The following PPP4R1 variants were observed in gnomAD, a reference collection of about 807,000 sequenced individuals.
PPP4R1 encodes the protein protein phosphatase 4 regulatory subunit 1.
A neutral mutation model predicts 111.2 loss-of-function variants in PPP4R1; 42 were observed. That is an observed-to-expected ratio of 0.38 (90% CI 0.29 to 0.49). The LOEUF (loss-of-function observed/expected upper bound fraction) is 0.49, where lower values mean the gene tolerates loss of function less well. Ranked by LOEUF, PPP4R1 falls within the 20% of genes least tolerant of loss-of-function variation. The pLI, the probability that PPP4R1 is intolerant of heterozygous loss-of-function variation, is 0.97. For missense variants in PPP4R1, 1,012 were observed against 1,161.6 expected, an observed-to-expected ratio of 0.87 and a Z score of 1.87; for synonymous variants, 409 against 405.5, an observed-to-expected ratio of 1.01 and a Z score of -0.10.
In PPP4R1 at chr18:9,608,589, C is replaced by T. The variant is rs181695267; in HGVS notation, c.52+5637G>A. The stretch of plus-strand genomic sequence containing the variant: ...TGCTAAAAGCAGAGCAAGTTCCAGA[C>T]CCTCTTATAGAAATTAGAGGGAATA... On this transcript the variant is annotated intron_variant, in intron 2 of 19. Transcript: ENST00000400556. Among the ~76,000 whole-genome samples the T allele has an allele frequency of 5.9e-5, 9 of 152,286 alleles. No individual in the cohort carries two copies. In the South Asian group the frequency reaches 1.7e-3, roughly 28 times the overall value.
chr18:9,595,250 C>CA lies in PPP4R1; in HGVS notation c.53-98dup, dbSNP rs60279081. The CA allele has an allele frequency of 8.5e-3, 9,156 of 1,077,156 alleles. 24 individuals carry two copies. Among genetic ancestry groups the CA allele is most frequent in the African/African-American group, 0.033 (1,969 of 60,526 alleles). 66.7% of individuals were successfully genotyped at this position (1,077,156 alleles called of 1,614,324 possible). A position where few individuals can be genotyped will look rare whatever the true frequency, so the allele number is the denominator to read the frequency against. On this transcript the variant is annotated intron_variant, in intron 2 of 19. Coordinates refer to ENST00000400556, the MANE Select transcript of PPP4R1 (RefSeq NM_001042388.3). Reference sequence around the variant, plus strand: ...GTACAAATCTGTTTCTGGAATGGTACAAAAAAAAAATCACAAGAGACTCTC... The same window carrying CA: ...GTACAAATCTGTTTCTGGAATGGTACAAAAAAAAAAATCACAAGAGACTCTC...
At chr18:9,550,722 T>C (rs1438498245) in intron 16 of PPP4R1, 1 of 231,464 alleles carries the variant, frequency 4.3e-6, no homozygotes, top group African/African-American at 2.3e-5. Flanking sequence ...ATGGTCACAG[T>C]TTGGAATGTG....
At chr18:9,563,157 A>G (rs1285675913) in intron 12 of PPP4R1, 2 of 1,239,416 alleles carry the variant, frequency 1.6e-6, no homozygotes, top group Admixed American at 3.8e-5. Context: ...AAATGGTCAT[A>G]TAGACAGAAG....
chr18:9,588,501 T>C (rs1270880061), intron 5 of PPP4R1, among the ~76,000 whole-genome samples: 1 of 152,206 alleles, frequency 6.6e-6, no homozygotes, highest in Admixed American at 6.5e-5. Context: ...GCTAGGAGGT[T>C]ACCAAGTGAG....
intron 2 of PPP4R1, among the ~76,000 whole-genome samples, chr18:9,597,522 T>C (rs2067309326): frequency 6.6e-6 from 1 of 152,176 alleles, no homozygotes; most frequent in South Asian, 2.1e-4. Flanking sequence ...GAAAAATAAT[T>C]ACCTGAAACG....
upstream of PPP4R1, among the ~76,000 whole-genome samples, chr18:9,615,793 C>A (rs560570204): frequency 4.9e-4 from 74 of 152,224 alleles, no homozygotes; most frequent in African/African-American, 1.7e-3. Flanking sequence ...TAGTCTTGAC[C>A]AAGGACAATG....
intron 8 of PPP4R1, 148 bp from the exon 9 acceptor site, chr18:9,583,423 G>A (rs1255570935): frequency 3.7e-6 from 3 of 811,058 alleles, no homozygotes; most frequent in African/African-American, 3.6e-5. Context: ...CTGGAGTGAG[G>A]TGGTGCGATC....
At position 9,570,176 on chromosome 18, in the gene PPP4R1, A is replaced by G; in HGVS notation, c.1554T>C (p.Ile518=). The G allele has an allele frequency of 6.6e-7, 1 of 1,522,550 alleles. No individual in the cohort carries two copies. The allele number at this position is 1,522,550 out of a possible 1,614,324, so 94.3% of individuals were successfully genotyped here. A position where few individuals can be genotyped will look rare whatever the true frequency, so the allele number is the denominator to read the frequency against. The change falls in exon 11 of 20, where the codon ATT becomes ATC. Residue 518 remains isoleucine (I), a synonymous_variant. Coordinates refer to ENST00000400556, the MANE Select transcript of PPP4R1 (RefSeq NM_001042388.3). Reference sequence around the variant, plus strand: ...CCATACCTTTAACATCTGGATCATCAATGTGGGGCTCTAGATTTTCTATCA... The same window carrying G: ...CCATACCTTTAACATCTGGATCATCGATGTGGGGCTCTAGATTTTCTATCA... The part of the protein sequence containing the change: ...EEMIENLEPH[I]DDPDVKAQVE...
At chr18:9,597,185 A>G (rs915653274) in intron 2 of PPP4R1, among the ~76,000 whole-genome samples, 3 of 152,204 alleles carry the variant, frequency 2.0e-5, no homozygotes, top group African/African-American at 7.2e-5. Flanking sequence ...ATGGTTTCAG[A>G]CACTGGACAA....
chr18:9,592,099 A>G (rs543572209), intron 4 of PPP4R1, among the ~76,000 whole-genome samples: 3 of 152,326 alleles, frequency 2.0e-5, no homozygotes, highest in Admixed American at 2.0e-4. Flanking sequence ...TAATTGGTAT[A>G]GTCTTCCAAT....
chr18:9,549,977 G>C, intron 18 of PPP4R1, 75 bp downstream of exon 18: 3 of 1,588,430 alleles, frequency 1.9e-6, no homozygotes, highest in Non-Finnish European at 2.6e-6. Context: ...GAGGGTGAGA[G>C]AGAGGTAGGA....
intron 18 of PPP4R1, 197 bp downstream of exon 18, chr18:9,549,855 G>T: frequency 1.4e-6 from 1 of 727,238 alleles, no homozygotes; most frequent in Non-Finnish European, 2.2e-6. Context: ...GCCAGTGTAA[G>T]GAGGGGCTTG....
At chr18:9,557,742 G>A (rs2066610686) in intron 14 of PPP4R1, among the ~76,000 whole-genome samples, 2 of 151,968 alleles carry the variant, frequency 1.3e-5, no homozygotes, top group South Asian at 4.2e-4. Context: ...CTAAGCACAT[G>A]CTAGAACATG....
chr18:9,564,341 TAAACA>T (rs1478021458), intron 11 of PPP4R1, among the ~76,000 whole-genome samples: 1 of 152,212 alleles, frequency 6.6e-6, no homozygotes, highest in Non-Finnish European at 1.5e-5. Context: ...TCAAACATTT[TAAACA>T]AAACAATCAG....
chr18:9,608,262 A>G (rs982012141), intron 2 of PPP4R1, among the ~76,000 whole-genome samples: 3 of 152,180 alleles, frequency 2.0e-5, no homozygotes, highest in Non-Finnish European at 2.9e-5. Flanking sequence ...AGCTGAGAAA[A>G]AGTTAACTTG....
chr18:9,605,510 G>A (rs1238842806), intron 2 of PPP4R1, among the ~76,000 whole-genome samples: 1 of 141,056 alleles, frequency 7.1e-6, no homozygotes, highest in Non-Finnish European at 1.5e-5. Flanking sequence ...GCTATCAGGT[G>A]CTCCTTAATC....
intron 10 of PPP4R1, among the ~76,000 whole-genome samples, chr18:9,572,342 T>C (rs1458595746): frequency 1.3e-5 from 2 of 152,196 alleles, no homozygotes; most frequent in South Asian, 2.1e-4. Flanking sequence ...ATGATGAGCA[T>C]ATTTTTAGGC....
chr18:9,554,841 G>C (rs1368863909), intron 15 of PPP4R1, among the ~76,000 whole-genome samples: 9 of 152,230 alleles, frequency 5.9e-5, no homozygotes, highest in Non-Finnish European at 1.3e-4. Flanking sequence ...GCAGCTTTAA[G>C]GGGTCTCCAC....
chr18:9,595,665 A>C (rs1356381931), intron 2 of PPP4R1, among the ~76,000 whole-genome samples: 2 of 152,214 alleles, frequency 1.3e-5, no homozygotes, highest in African/African-American at 2.4e-5. Context: ...AACAATGAAA[A>C]TACTAATGTT....
Sources: allele counts gnomAD v4.1 joint callset (sites outside exome capture counted in the v4.1 genomes callset), GRCh38; gene constraint gnomAD v4.1.1; transcripts MANE v1.5; gene names NCBI Gene and HGNC (gene_info 2026-07-23, HGNC 2026-07-21).